Variants in RBPJ observed in about 807,000 individuals in gnomAD.
RBPJ encodes recombination signal binding protein for immunoglobulin kappa J region.
A neutral mutation model predicts 67.8 loss-of-function variants in RBPJ; 9 were observed. That is an observed-to-expected ratio of 0.13 (90% confidence interval 0.08 to 0.23). The LOEUF (loss-of-function observed/expected upper bound fraction) is 0.23, where lower values mean the gene tolerates loss of function less well. Ranked by LOEUF, RBPJ falls within the 10% of genes least tolerant of loss-of-function variation. The pLI is 1.00. For synonymous variants in RBPJ, 198 were observed against 203.3 expected, an observed-to-expected ratio of 0.97 and a Z score of 0.22; for missense variants, 305 against 595.6, an observed-to-expected ratio of 0.51 and a Z score of 5.08.
chr4:26,319,673 G>A (rs926432293), upstream of RBPJ: 5 of 652,956 alleles, frequency 7.7e-6, no homozygotes, highest in African/African-American at 5.5e-5. Context: ...GTGGAAGGCG[G>A]TGGGAAGGAG....
chr4:26,192,010 A>T (rs985842987), intron 1 of RBPJ, among the ~76,000 whole-genome samples: 22 of 142,706 alleles, frequency 1.5e-4, no homozygotes, highest in South Asian at 1.1e-3. Context: ...ATTCTTTAAA[A>T]TTTTTTTTTT....
At chr4:26,138,711 C>T in the RBPJ span, among the ~76,000 whole-genome samples, 1 of 152,202 alleles carries the variant, frequency 6.6e-6, no homozygotes, top group African/African-American at 2.4e-5. Context: ...GTACATGAAC[C>T]ACTTCATAGA....
chr4:26,138,617 A>T, the RBPJ span, among the ~76,000 whole-genome samples: 2 of 152,166 alleles, frequency 1.3e-5, no homozygotes, highest in African/African-American at 4.8e-5. Context: ...GCTGCTCTGG[A>T]GTCTGAGTCT....
At chr4:26,158,089 A>T in the RBPJ span, among the ~76,000 whole-genome samples, 1 of 152,308 alleles carries the variant, frequency 6.6e-6, no homozygotes, top group East Asian at 1.9e-4. Context: ...TTTATGCACA[A>T]AATCTACAAT....
intron 1 of RBPJ, among the ~76,000 whole-genome samples, chr4:26,205,101 C>G (rs1718124373): frequency 2.0e-5 from 3 of 152,184 alleles, no homozygotes; most frequent in Admixed American, 2.0e-4. Context: ...GGGCCCAGGG[C>G]TCCCGCTGGC....
intron 1 of RBPJ, among the ~76,000 whole-genome samples, chr4:26,168,944 G>T (rs1269198324): frequency 1.3e-5 from 2 of 152,102 alleles, no homozygotes. Context: ...GCACTTCTCT[G>T]TATTGGTTAT....
At position 26,283,203 on chromosome 4, in the gene RBPJ, A is replaced by G. The variant is rs1721338533; in HGVS notation, c.-166-79243A>G. On this transcript the variant is annotated intron_variant, in intron 1 of 4. Transcript: ENST00000512351. ...CTCGGCCTCCCAAAGTGCTGGGATTACAGGCAGGAGCCACCGCTCCCGGCC... is the reference window on the plus strand; with the variant it reads ...CTCGGCCTCCCAAAGTGCTGGGATTGCAGGCAGGAGCCACCGCTCCCGGCC... Among the ~76,000 whole-genome samples the G allele has an allele frequency of 4.9e-5, 7 of 143,466 alleles. No homozygotes were observed. In the South Asian group the frequency reaches 1.5e-3, roughly 31 times the overall value. 94.1% of individuals were successfully genotyped at this position (143,466 alleles called of 152,430 possible).
intron 5 of RBPJ, among the ~76,000 whole-genome samples, chr4:26,421,591 C>A (rs1735143642): frequency 6.6e-6 from 1 of 152,136 alleles, no homozygotes; most frequent in African/African-American, 2.4e-5. Flanking sequence ...GCGTGAGCCA[C>A]CATGCCTGGC....
chr4:26,110,473 C>T, the RBPJ span, among the ~76,000 whole-genome samples: 9,014 of 152,158 alleles, frequency 0.059, 881 homozygotes, highest in African/African-American at 0.21. This position sits in a 1 kb window ranked among gnomAD's most constrained non-coding sequence, Gnocchi z 4.5. Flanking sequence ...TTCAGCTGGC[C>T]GCTTTGAACT....
At chr4:26,319,649 G>T, upstream of RBPJ, 2 of 631,284 alleles carry the variant, frequency 3.2e-6, no homozygotes, top group Non-Finnish European at 5.7e-6. Context: ...GCCGTGTTGT[G>T]TCTGAGCCGA....
intron 3 of RBPJ, among the ~76,000 whole-genome samples, chr4:26,412,237 G>A (rs1023869560): frequency 6.6e-6 from 1 of 151,988 alleles, no homozygotes; most frequent in Non-Finnish European, 1.5e-5. Context: ...AAAACCCCGA[G>A]TGCCAACATG....
upstream of RBPJ, among the ~76,000 whole-genome samples, chr4:26,316,468 TAC>T (rs1420923541): frequency 6.5e-4 from 87 of 134,290 alleles, 2 homozygotes; most frequent in African/African-American, 2.4e-3. Context: ...CATTCATATA[TAC>T]ATTCATATAT....
At chr4:26,198,488 A>G (rs563568008) in intron 1 of RBPJ, among the ~76,000 whole-genome samples, 1 of 152,300 alleles carries the variant, frequency 6.6e-6, no homozygotes, top group South Asian at 2.1e-4. Flanking sequence ...CTGTTTACAT[A>G]TTTTATACAT....
chr4:26,399,051 C>G (rs899486914), intron 2 of RBPJ, among the ~76,000 whole-genome samples: 1 of 152,198 alleles, frequency 6.6e-6, no homozygotes, highest in Non-Finnish European at 1.5e-5. Flanking sequence ...TTAAAAACTT[C>G]CCTTTATATC....
At chr4:26,269,676 G>T (rs1720816223) in intron 1 of RBPJ, among the ~76,000 whole-genome samples, 1 of 152,140 alleles carries the variant, frequency 6.6e-6, no homozygotes. Context: ...CATTCTTACA[G>T]CCTCAGCCCT....
the RBPJ span, among the ~76,000 whole-genome samples, chr4:26,151,209 G>T: frequency 9.1e-4 from 138 of 152,244 alleles, no homozygotes; most frequent in African/African-American, 3.2e-3. Flanking sequence ...TTTCCAGGAG[G>T]CTGTGCTGTG....
At chr4:26,193,459 T>C (rs542621938) in intron 1 of RBPJ, among the ~76,000 whole-genome samples, 46 of 152,278 alleles carry the variant, frequency 3.0e-4, no homozygotes, top group Non-Finnish European at 5.7e-4. Flanking sequence ...TTTATGAAAA[T>C]TTCCCCTTTC....
At chr4:26,202,231 A>C (rs1718004727) in intron 1 of RBPJ, among the ~76,000 whole-genome samples, 1 of 151,988 alleles carries the variant, frequency 6.6e-6, no homozygotes, top group Non-Finnish European at 1.5e-5. Flanking sequence ...TTTCCAAAGG[A>C]ATCTCCAGTT....
intron 1 of RBPJ, among the ~76,000 whole-genome samples, chr4:26,299,889 C>T (rs1722020707): frequency 6.6e-6 from 1 of 151,722 alleles, no homozygotes; most frequent in African/African-American, 2.4e-5. Context: ...CGGAGATTCA[C>T]CATGTTGGCA....
Sources: gnomAD v4.1 joint callset for allele counts (sites outside exome capture counted in the v4.1 genomes callset) on GRCh38, gnomAD v4.1.1 for gene constraint, Gnocchi (gnomAD v3.1) non-coding constraint, MANE v1.5 for transcripts, NCBI Gene and HGNC (gene_info 2026-07-23, HGNC 2026-07-21) for gene names.